HSPA4: variants seen among roughly 807,000 people sequenced by gnomAD.
HSPA4 encodes the protein heat shock protein family A (Hsp70) member 4, also known as heat shock 70 kDa protein 4.
HSPA4 carries 25 observed loss-of-function variants against 106.2 expected under a neutral mutation model. The observed-to-expected ratio is 0.24, with a 90% CI of 0.17 to 0.33. The LOEUF (loss-of-function observed/expected upper bound fraction) is 0.33, where lower values mean the gene tolerates loss of function less well. Ranked by LOEUF, HSPA4 falls within the 10% of genes least tolerant of loss-of-function variation. The pLI, the probability that HSPA4 is intolerant of heterozygous loss-of-function variation, is 1.00. For synonymous variants in HSPA4, 332 were observed against 333.6 expected (o/e 1.00, Z 0.05); for missense variants, 841 against 996.0 (o/e 0.84, Z 2.10).
intron 2 of HSPA4, among the ~76,000 whole-genome samples, chr5:133,066,055 A>T (rs1263826060): frequency 1.3e-5 from 2 of 152,242 alleles, no homozygotes; most frequent in African/African-American, 2.4e-5. Flanking sequence ...TTTAGGAGAC[A>T]GCAGGTAGAA....
intron 6 of HSPA4, among the ~76,000 whole-genome samples, chr5:133,076,416 G>C (rs985460391): frequency 4.6e-5 from 7 of 152,174 alleles, no homozygotes; most frequent in African/African-American, 1.7e-4. Context: ...GTAGCTTTGT[G>C]AACTGCAGTT....
intron 5 of HSPA4, 102 bp from the exon 6 acceptor site, chr5:133,073,891 C>T (rs1304248627): frequency 3.1e-6 from 2 of 640,168 alleles, no homozygotes; most frequent in African/African-American, 1.9e-5. Context: ...AAACATAACA[C>T]ATGTAGTTGC....
In HSPA4 at chr5:133,104,347, A is replaced by C; in HGVS notation, c.2434A>C (p.Asn812His). The C allele has an allele frequency of 6.2e-7, 1 of 1,614,226 alleles. No individual in the cohort carries two copies. Among genetic ancestry groups the C allele is most frequent in the African/African-American group, 1.3e-5 (1 of 75,058 alleles). The stretch of plus-strand genomic sequence containing the variant: ...TGGACCAGTGGATGGACAAGGAGAC[A>C]ACCCAGGCCCCCAGGCTGCTGAGCA... ...QNGPVDGQGD[N>H]PGPQAAEQGT... The change falls in exon 19 of 19, where the codon AAC (asparagine) becomes CAC (histidine). Residue 812 changes from asparagine (N) to histidine (H), a missense_variant. Coordinates refer to ENST00000304858, the MANE Select transcript of HSPA4 (RefSeq NM_002154.4).
Position 133,064,734 on chromosome 5 carries a change from A to C in HSPA4, c.108-246A>C, listed in dbSNP as rs532602108. On this transcript the variant is annotated intron_variant, in intron 1 of 18. Coordinates refer to ENST00000304858, the MANE Select transcript of HSPA4 (RefSeq NM_002154.4). ...GAGGATGGTAGAGACTGTCTAGCCCACCTCTCTAGTATTCTAGACAGGTAG... is the reference window on the plus strand; with the variant it reads ...GAGGATGGTAGAGACTGTCTAGCCCCCCTCTCTAGTATTCTAGACAGGTAG... Among the ~76,000 whole-genome samples, 3 of 152,110 alleles carry C rather than the reference A, an allele frequency of 2.0e-5. No individual in the cohort carries two copies. The South Asian group carries it at 6.2e-4, about 32-fold the overall frequency.
intron 6 of HSPA4, among the ~76,000 whole-genome samples, chr5:133,074,641 G>A (rs927205460): frequency 6.6e-6 from 1 of 152,178 alleles, no homozygotes; most frequent in Admixed American, 6.5e-5. Context: ...GGGTGGTACA[G>A]GTGCTCTGTA....
chr5:133,104,022 T>C lies in HSPA4; in HGVS notation c.2315T>C (p.Ile772Thr). The C allele has an allele frequency of 6.2e-7, 1 of 1,608,178 alleles. No homozygotes were observed. Among genetic ancestry groups the C allele is most frequent in the Non-Finnish European group, 8.5e-7 (1 of 1,177,768 alleles). ...AAGTCAAAAGAGATTGAAGCTAAAA[T>C]TAAGGTAATTTAAGACTTTTTTTTA... ...VVKSKEIEAK[I>T]KELTSTCSPI... is the part of the protein sequence containing the mutation. The change falls in exon 18 of 19, where the codon ATT becomes ACT. Residue 772 changes from isoleucine to threonine, a missense_variant. Ile to Thr is a moderately conservative substitution (Grantham distance 89). Coordinates refer to ENST00000304858, the MANE Select transcript of HSPA4 (RefSeq NM_002154.4).
At chr5:133,073,424 C>T (rs369960645) in intron 5 of HSPA4, 95 bp downstream of exon 5, 4 of 780,376 alleles carry the variant, frequency 5.1e-6, no homozygotes. Flanking sequence ...ATTTTGCTTT[C>T]AGCACTGCTG....
chr5:133,102,877 C>T (rs1451323883), intron 17 of HSPA4, among the ~76,000 whole-genome samples: 2 of 146,542 alleles, frequency 1.4e-5, no homozygotes, highest in Non-Finnish European at 3.0e-5. Context: ...GTAGCTGGGA[C>T]TATAGGCACG....
chr5:133,101,916 G>A lies in HSPA4; in HGVS notation c.2157+38G>A, dbSNP rs752560420. ...TTTGTCCTACTCTTATTTTAGTAAAGTTAACTTTTTTTTTTTTTTTTTTTT... is the reference window on the plus strand; with the variant it reads ...TTTGTCCTACTCTTATTTTAGTAAAATTAACTTTTTTTTTTTTTTTTTTTT... On this transcript the variant is annotated intron_variant, in intron 17 of 18. Transcript: ENST00000304858. 4.5e-5 allele frequency: 39 copies of A among 861,980 alleles called. 1 individual carries two copies. Among genetic ancestry groups the A allele is most frequent in the East Asian group, 7.3e-5 (2 of 27,340 alleles). 53.4% of individuals were successfully genotyped at this position (861,980 alleles called of 1,614,324 possible).
At chr5:133,070,548 A>G (rs1263254095) in intron 4 of HSPA4, 52 bp downstream of exon 4, 3 of 1,589,384 alleles carry the variant, frequency 1.9e-6, no homozygotes. Flanking sequence ...AAGCAGAGAG[A>G]AGAAAGCTGC....
At chr5:133,068,407 C>T (rs1056358193) in intron 3 of HSPA4, among the ~76,000 whole-genome samples, 2 of 148,576 alleles carry the variant, frequency 1.3e-5, no homozygotes, top group Non-Finnish European at 3.0e-5. Context: ...TTCTTGCACT[C>T]AGAGGTAGTA....
rs768011328 is a variant in HSPA4, at chr5:133,097,157, T to C, written c.1804-4T>C. 6.2e-7 allele frequency: 1 copy of C among 1,606,746 alleles called. No individual in the cohort carries two copies. The highest frequency in any genetic ancestry group is 1.1e-5 in the South Asian group (1 of 90,646). ...TCTGATTTATACATAATATTTATTC[T>C]CAGGGTAAGATGATCATGCAGGATA... On this transcript the variant is annotated splice_region_variant and splice_polypyrimidine_tract_variant and intron_variant, in intron 14 of 18. Transcript: ENST00000304858.
intron 2 of HSPA4, among the ~76,000 whole-genome samples, chr5:133,066,777 A>T (rs556464677): frequency 1.4e-5 from 2 of 138,042 alleles, no homozygotes; most frequent in South Asian, 4.4e-4. Flanking sequence ...TTGAGAGTGC[A>T]GTGGCCCTGT....
intron 18 of HSPA4, 90 bp downstream of exon 18, chr5:133,104,116 G>T: frequency 2.1e-6 from 3 of 1,409,244 alleles, no homozygotes; most frequent in Non-Finnish European, 3.0e-6. Context: ...CTTTATTATA[G>T]TGTTTTAGCT....
At chr5:133,056,676 T>G (rs1202344658) in intron 1 of HSPA4, among the ~76,000 whole-genome samples, 1 of 152,258 alleles carries the variant, frequency 6.6e-6, no homozygotes, top group East Asian at 1.9e-4. Flanking sequence ...CATATTTATG[T>G]TGTAATGTTA....
chr5:133,084,589 G>GC (rs1256583084), intron 7 of HSPA4, among the ~76,000 whole-genome samples: 2 of 152,126 alleles, frequency 1.3e-5, no homozygotes, highest in Non-Finnish European at 2.9e-5. Context: ...TCCTGCCTCA[G>GC]CCTCCCAAAT....
chr5:133,069,276 A>G (rs914519031), intron 3 of HSPA4, among the ~76,000 whole-genome samples: 1 of 151,306 alleles, frequency 6.6e-6, no homozygotes. Context: ...TTTTGAGACA[A>G]TATCACTGTG....
intron 13 of HSPA4, among the ~76,000 whole-genome samples, chr5:133,093,102 A>G (rs1581479309): frequency 6.6e-6 from 1 of 151,144 alleles, no homozygotes; most frequent in Non-Finnish European, 1.5e-5. Context: ...AAGTGCTAGT[A>G]TTACAGGCGT....
At chr5:133,096,728 T>G (rs1485413607) in intron 14 of HSPA4, among the ~76,000 whole-genome samples, 1 of 152,216 alleles carries the variant, frequency 6.6e-6, no homozygotes, top group Non-Finnish European at 1.5e-5. Context: ...TTTATTGAAT[T>G]AATTTTTGTC....
Sources: gnomAD v4.1 joint callset for allele counts (sites outside exome capture counted in the v4.1 genomes callset) on GRCh38, gnomAD v4.1.1 for gene constraint, MANE v1.5 for transcripts, NCBI Gene and HGNC (gene_info 2026-07-23, HGNC 2026-07-21) for gene names.